GREB1: variants seen among roughly 807,000 people sequenced by gnomAD.
GREB1 encodes the protein protein GREB1.
A neutral mutation model predicts 200.7 loss-of-function variants in GREB1; 106 were observed. The ratio of observed to expected loss-of-function variants is 0.53; its 90% CI spans 0.45 to 0.62. The LOEUF is 0.62. Ranked by LOEUF, GREB1 falls within the 20% of genes least tolerant of loss-of-function variation. The pLI is 0.00. For synonymous variants in GREB1, 1,132 were observed against 1,092.4 expected, an observed-to-expected ratio of 1.04 and a Z score of -0.72; for missense variants, 2,243 against 2,556.8, an observed-to-expected ratio of 0.88 and a Z score of 2.65.
intron 23 of GREB1, among the ~76,000 whole-genome samples, chr2:11,621,698 A>G (rs1684029252): frequency 6.6e-6 from 1 of 152,056 alleles, no homozygotes; most frequent in South Asian, 2.1e-4. Context: ...TGTGTTGTGG[A>G]GAGGTTGCCA....
chr2:11,624,337 A>G (rs1036760757), intron 23 of GREB1, among the ~76,000 whole-genome samples: 8 of 140,210 alleles, frequency 5.7e-5, no homozygotes, highest in Non-Finnish European at 1.2e-4. Context: ...TAGATACACA[A>G]ATTCTTTTTT....
At chr2:11,627,528 G>A (rs186652739) in intron 25 of GREB1, among the ~76,000 whole-genome samples, 21 of 152,364 alleles carry the variant, frequency 1.4e-4, no homozygotes, top group Admixed American at 3.9e-4. Flanking sequence ...GCAGGCAAAA[G>A]GAGTACTATG....
In GREB1 at chr2:11,548,567, G is replaced by A. The variant is rs747887624; in HGVS notation, c.-161-7887G>A. 3.5e-4 allele frequency among the ~76,000 whole-genome samples: 54 copies of A among 152,136 alleles called. No individual in the cohort carries two copies. Among genetic ancestry groups the A allele is most frequent in the Non-Finnish European group, 6.6e-4 (45 of 68,034 alleles). On this transcript the variant is annotated intron_variant, in intron 1 of 32. Coordinates refer to ENST00000381486, the MANE Select transcript of GREB1 (RefSeq NM_014668.4). The surrounding 1 kb of genome is among the most constrained non-coding windows in gnomAD (Gnocchi z 5.1). ...ACATCCCCATATTCTGATAGAACTT[G>A]TAAACTCCTTTCAATATTATTGAAC...
In GREB1 at chr2:11,548,708, C is replaced by T. The variant is rs1419590636; in HGVS notation, c.-161-7746C>T. Among the ~76,000 whole-genome samples, 1 of 151,952 alleles carries T rather than the reference C, an allele frequency of 6.6e-6. No homozygotes were observed. The highest frequency in any genetic ancestry group is 1.5e-5 in the Non-Finnish European group (1 of 67,970). ...CTGTTCTCATCATCACCTTGTGAGT[C>T]CCCTCTCCTTCTACCCTCTGTTGGA... On this transcript the variant is annotated intron_variant, in intron 1 of 32. Coordinates refer to ENST00000381486, the MANE Select transcript of GREB1 (RefSeq NM_014668.4). This position sits in a 1 kb window ranked among gnomAD's most constrained non-coding sequence, Gnocchi z 5.1.
intron 29 of GREB1, among the ~76,000 whole-genome samples, chr2:11,634,907 G>A (rs562164318): frequency 1.1e-4 from 16 of 152,316 alleles, no homozygotes; most frequent in South Asian, 4.1e-4. Context: ...AGCAGCTCAC[G>A]TTTTTACCCT....
chr2:11,625,092 CAT>C, intron 23 of GREB1, 60 bp from the exon 24 acceptor site: 2 of 1,312,016 alleles, frequency 1.5e-6, no homozygotes, highest in Non-Finnish European at 2.2e-6. Context: ...TTTAGCGACA[CAT>C]GACTGTAAAT....
At chr2:11,552,111 G>A (rs957657898) in intron 1 of GREB1, among the ~76,000 whole-genome samples, 2 of 152,202 alleles carry the variant, frequency 1.3e-5, no homozygotes, top group African/African-American at 2.4e-5. Flanking sequence ...GTGGGGTTGC[G>A]CATGCTGTTT....
intron 1 of GREB1, among the ~76,000 whole-genome samples, chr2:11,488,189 C>T (rs1672698250): frequency 6.6e-6 from 1 of 152,094 alleles, no homozygotes; most frequent in African/African-American, 2.4e-5. Context: ...CTCCTTAGAC[C>T]AACTCGGAAA....
chr2:11,600,667 A>C (rs1681701247), intron 15 of GREB1, 133 bp from the exon 16 acceptor site: 1 of 720,886 alleles, frequency 1.4e-6, no homozygotes, highest in South Asian at 1.8e-5. Flanking sequence ...CTCTATTCTT[A>C]GTCAGGGGCA....
chr2:11,603,525 C>CCATGCATGCTGTAATTCTCCA (rs1260768710), intron 17 of GREB1, among the ~76,000 whole-genome samples: 1 of 152,232 alleles, frequency 6.6e-6, no homozygotes, highest in Non-Finnish European at 1.5e-5. Flanking sequence ...TTCAGCACAT[C>CCATGCATGCTGTAATTCTCCA]CATGCATGCT....
At position 11,576,608 on chromosome 2, in the gene GREB1, A is replaced by G. The variant is rs1380252813; in HGVS notation, c.637+73A>G. On this transcript the variant is annotated intron_variant, in intron 5 of 32. Coordinates refer to ENST00000381486, the MANE Select transcript of GREB1 (RefSeq NM_014668.4). ...GTGGGCCGTGGTGCCTGTCGGTGTGATGCTGGGGAGAGGCCCCTGCATAGC... is the reference window on the plus strand; with the variant it reads ...GTGGGCCGTGGTGCCTGTCGGTGTGGTGCTGGGGAGAGGCCCCTGCATAGC... The G allele has an allele frequency of 3.4e-6, 4 of 1,187,314 alleles. No homozygotes were observed. The African/African-American group carries it at 6.1e-5, about 18-fold the overall frequency. The allele number at this position is 1,187,314 out of a possible 1,614,324, so 73.5% of individuals were successfully genotyped here.
chr2:11,624,224 G>A (rs914344275), intron 23 of GREB1, among the ~76,000 whole-genome samples: 5 of 152,122 alleles, frequency 3.3e-5, no homozygotes, highest in South Asian at 2.1e-4. Flanking sequence ...TGACTCACCC[G>A]GAACAACTGC....
chr2:11,489,193 C>G (rs558780975), intron 1 of GREB1, among the ~76,000 whole-genome samples: 1 of 152,334 alleles, frequency 6.6e-6, no homozygotes, highest in East Asian at 1.9e-4. Flanking sequence ...TGGCTCACAC[C>G]TGTAATCCCA....
At chr2:11,564,309 G>A (rs375994878) in intron 3 of GREB1, among the ~76,000 whole-genome samples, 1 of 151,320 alleles carries the variant, frequency 6.6e-6, no homozygotes, top group Non-Finnish European at 1.5e-5. Flanking sequence ...GCAAGGGGAA[G>A]GCAATATGGT....
At chr2:11,615,937 C>T (rs1683362229) in intron 20 of GREB1, among the ~76,000 whole-genome samples, 1 of 152,232 alleles carries the variant, frequency 6.6e-6, no homozygotes, top group Admixed American at 6.5e-5. Flanking sequence ...TCTGCCTTGT[C>T]TGTCTTGACT....
chr2:11,597,784 A>G lies in GREB1; in HGVS notation c.1958A>G (p.Tyr653Cys). 3 of 1,614,010 alleles carry G rather than the reference A, an allele frequency of 1.9e-6. No homozygotes were observed. The highest frequency in any genetic ancestry group is 8.5e-7 in the Non-Finnish European group (1 of 1,179,908). The stretch of plus-strand genomic sequence containing the variant: ...CATCCTGGGGCTCTGGTTCCAGGTT[A>G]CAATCTGGAGCCACACAGCATCCGG... ...DVSGTPVCTS[Y>C]NLEPHSIRPF... The change falls in exon 14 of 33, where the codon TAC (tyrosine) becomes TGC (cysteine). Residue 653 changes from tyrosine (Y) to cysteine (C), a missense_variant. Coordinates refer to ENST00000381486, the MANE Select transcript of GREB1 (RefSeq NM_014668.4). This position sits in a 1 kb window ranked among gnomAD's most constrained non-coding sequence, Gnocchi z 4.1.
At position 11,598,792 on chromosome 2, in the gene GREB1, A is replaced by C; in HGVS notation, c.2265A>C (p.Gln755His). 6.2e-7 allele frequency: 1 copy of C among 1,614,224 alleles called. No homozygotes were observed. Among genetic ancestry groups the C allele is most frequent in the African/African-American group, 1.3e-5 (1 of 75,072 alleles). The part of the protein sequence containing the change: ...EAQTKFKAFL[Q>H]NSFQNPHTLF... ...AGACAAAATTTAAGGCTTTTCTGCAAAACTCCTTCCAGAACCCGCATACAC... is the reference window on the plus strand; with the variant it reads ...AGACAAAATTTAAGGCTTTTCTGCACAACTCCTTCCAGAACCCGCATACAC... Residue 755 changes from glutamine (Q) to histidine (H), a missense_variant, in exon 15 of 33, where the codon CAA (glutamine) becomes CAC (histidine). Gln to His is a conservative substitution (Grantham distance 24, BLOSUM62 0). This residue lies in a region of GREB1 where 1,178 missense variants were observed against 1,387.4 expected (regional missense o/e 0.85). Transcript: ENST00000381486.
rs1465479883 is a variant in GREB1 at position 11,635,340 on chromosome 2, C to T, written c.5281C>T (p.Arg1761Cys). 4.3e-6 allele frequency: 7 copies of T among 1,613,984 alleles called. No homozygotes were observed. Among genetic ancestry groups the T allele is most frequent in the African/African-American group, 1.3e-5 (1 of 74,954 alleles). ...SAGLLLCRFN[R>C]FSVMKKQIVV... is the part of the protein sequence containing the mutation. ...CGGCCTCCTGCTCTGCCGGTTCAAC[C>T]GCTTCAGCGTGATGAAGAAGCAGAT... Residue 1761 changes from arginine to cysteine, a missense_variant, in exon 30 of 33, where the codon CGC (arginine) becomes TGC (cysteine). Arg to Cys is a radical substitution (Grantham distance 180). This residue lies in a region of GREB1 where 478 missense variants were observed against 616.3 expected (regional missense o/e 0.78). Coordinates refer to ENST00000381486, the MANE Select transcript of GREB1 (RefSeq NM_014668.4).
chr2:11,640,198 C>T lies in GREB1; in HGVS notation c.5687-93C>T. Reference sequence around the variant, plus strand: ...CGCTTCTGCCCTTCCCAACAGCGCCCTGTCTTGTCATTGCAAGTAGAATCC... The same window carrying T: ...CGCTTCTGCCCTTCCCAACAGCGCCTTGTCTTGTCATTGCAAGTAGAATCC... On this transcript the variant is annotated intron_variant, in intron 32 of 32. Transcript: ENST00000381486. The surrounding 1 kb of genome is among the most constrained non-coding windows in gnomAD (Gnocchi z 4.6). The T allele has an allele frequency of 7.9e-7, 1 of 1,272,784 alleles. No individual in the cohort carries two copies. Among genetic ancestry groups the T allele is most frequent in the South Asian group, 1.4e-5 (1 of 69,322 alleles). 78.8% of individuals were successfully genotyped at this position (1,272,784 alleles called of 1,614,324 possible).
Sources: gnomAD v4.1 joint callset for allele counts (sites outside exome capture counted in the v4.1 genomes callset) on GRCh38, gnomAD v4.1.1 for gene constraint, gnomAD v4.1.1 regional missense constraint, Gnocchi (gnomAD v3.1) non-coding constraint, MANE v1.5 for transcripts, NCBI Gene and HGNC (gene_info 2026-07-23, HGNC 2026-07-21) for gene names.